Variants in USP12 observed in about 807,000 individuals in gnomAD.
USP12 encodes ubiquitin carboxyl-terminal hydrolase 12.
Under a neutral mutation model 45.5 loss-of-function variants are expected in USP12, and 19 were observed. The observed-to-expected ratio is 0.42, with a 90% CI of 0.29 to 0.61. USP12 has a LOEUF of 0.61. USP12 is among the 20% of genes least tolerant of loss of function. The pLI is 0.22. For missense variants in USP12, 242 were observed against 447.7 expected (o/e 0.54, Z 4.15); for synonymous variants, 149 against 148.8 (o/e 1.00, Z -0.01).
intron 1 of USP12, among the ~76,000 whole-genome samples, chr13:27,161,792 G>A (rs1301717465): frequency 1.3e-5 from 2 of 152,042 alleles, no homozygotes; most frequent in Admixed American, 6.5e-5. Context: ...TCAGGCAGGA[G>A]GATAGCTTGA....
At chr13:27,150,172 G>A (rs908058390) in intron 1 of USP12, among the ~76,000 whole-genome samples, 9 of 152,164 alleles carry the variant, frequency 5.9e-5, no homozygotes, top group South Asian at 2.1e-4. Flanking sequence ...ATTACACATT[G>A]TATACCTGTA....
At chr13:27,074,867 G>A (rs1873404773) in intron 7 of USP12, among the ~76,000 whole-genome samples, 1 of 152,046 alleles carries the variant, frequency 6.6e-6, no homozygotes, top group African/African-American at 2.4e-5. Flanking sequence ...ATTAAACTCA[G>A]AAGTGATTTA....
At chr13:27,140,220 T>C (rs1235542841) in intron 1 of USP12, among the ~76,000 whole-genome samples, 1 of 152,162 alleles carries the variant, frequency 6.6e-6, no homozygotes, top group Non-Finnish European at 1.5e-5. Flanking sequence ...AGCAAAGATG[T>C]TGTGTAGTGA....
At chr13:27,147,475 TA>T (rs749179409) in intron 1 of USP12, among the ~76,000 whole-genome samples, 2 of 152,072 alleles carry the variant, frequency 1.3e-5, no homozygotes, top group African/African-American at 4.8e-5. Flanking sequence ...GTCCAATTTT[TA>T]AAAAAATACT....
chr13:27,157,983 T>C (rs895324562), intron 1 of USP12, among the ~76,000 whole-genome samples: 23 of 152,250 alleles, frequency 1.5e-4, no homozygotes, highest in African/African-American at 5.1e-4. Context: ...TGAATATTCC[T>C]TGACATTAAT....
At chr13:27,128,042 A>T (rs832777) in intron 1 of USP12, among the ~76,000 whole-genome samples, 7,994 of 152,300 alleles carry the variant, frequency 0.052, 717 homozygotes, top group African/African-American at 0.18. Flanking sequence ...TTCAATGAAA[A>T]GTTTCACCAC....
intron 6 of USP12, among the ~76,000 whole-genome samples, chr13:27,084,927 C>T (rs974038809): frequency 5.1e-4 from 77 of 152,142 alleles, no homozygotes; most frequent in African/African-American, 1.6e-3. Flanking sequence ...GCAGAAAATG[C>T]CATAGGAATT....
chr13:27,140,271 G>T (rs552539843), intron 1 of USP12, among the ~76,000 whole-genome samples: 1 of 152,100 alleles, frequency 6.6e-6, no homozygotes, highest in Non-Finnish European at 1.5e-5. Context: ...TACTGATGAC[G>T]TTCTATTTCT....
At chr13:27,110,206 A>G (rs1016706162) in intron 2 of USP12, among the ~76,000 whole-genome samples, 5 of 150,100 alleles carry the variant, frequency 3.3e-5, no homozygotes, top group African/African-American at 1.2e-4. Flanking sequence ...ATGGGTTCAT[A>G]GTGATTCATT....
At chr13:27,141,106 C>T (rs1258640314) in intron 1 of USP12, among the ~76,000 whole-genome samples, 1 of 150,758 alleles carries the variant, frequency 6.6e-6, no homozygotes, top group Non-Finnish European at 1.5e-5. Context: ...ACAACCTCCT[C>T]CCAGGTTCAA....
Position 27,129,126 on chromosome 13 carries a change from A to G in USP12, c.49-12530T>C, listed in dbSNP as rs1468612757. Among the ~76,000 whole-genome samples the G allele has an allele frequency of 1.3e-5, 2 of 149,348 alleles. No homozygotes were observed. The highest frequency in any genetic ancestry group is 2.4e-5 in the African/African-American group (1 of 41,012). ...ATAAAAAAAAGTACTCATATTGTGA[A>G]CTATCTAGAAAGAGTTCTTCATTCT... On this transcript the variant is annotated intron_variant, in intron 1 of 8. Coordinates refer to ENST00000282344, the MANE Select transcript of USP12 (RefSeq NM_182488.4). The surrounding 1 kb of genome is among the most constrained non-coding windows in gnomAD (Gnocchi z 4.0).
intron 1 of USP12, chr13:27,170,013 A>G (rs1367298668): frequency 3.7e-6 from 1 of 268,684 alleles, no homozygotes; most frequent in Non-Finnish European, 6.9e-6. Flanking sequence ...TGTCACTGTA[A>G]AAGACCTAAT....
Position 27,171,673 on chromosome 13 carries a change from G to T in USP12, c.-34C>A. ...CGCCATCTTCCACCCAATCACAGCG[G>T]CGGCGGCGGGCGGGGGAGGAGGGGA... On this transcript the variant is annotated 5_prime_UTR_variant, in exon 1 of 9. Transcript: ENST00000282344. 1 of 1,223,322 alleles carries T rather than the reference G, an allele frequency of 8.2e-7. No homozygotes were observed. The highest frequency in any genetic ancestry group is 1.1e-6 in the Non-Finnish European group (1 of 949,676). The allele number at this position is 1,223,322 out of a possible 1,614,324, so 75.8% of individuals were successfully genotyped here. A position where few individuals can be genotyped will look rare whatever the true frequency, so the allele number is the denominator to read the frequency against.
intron 1 of USP12, among the ~76,000 whole-genome samples, chr13:27,156,145 G>A (rs936668557): frequency 2.0e-5 from 3 of 150,588 alleles, no homozygotes; most frequent in Non-Finnish European, 4.4e-5. Flanking sequence ...AAAGAGACAC[G>A]ACATTCCACT....
Position 27,095,790 on chromosome 13 carries a change from G to A in USP12, c.384C>T (p.Phe128=). 3 of 1,609,608 alleles carry A rather than the reference G, an allele frequency of 1.9e-6. No homozygotes were observed. In the African/African-American group the frequency reaches 4.0e-5, roughly 21 times the overall value. ...CAATTGTATTTAGTAGGTAATTTAA[G>A]AATTCATGGGCATCTTGTTGCATGT... ...DNYMQQDAHE[F]LNYLLNTIAD... The change falls in exon 4 of 9, where the codon TTC becomes TTT. Residue 128 remains phenylalanine, a synonymous_variant. Transcript: ENST00000282344.
At chr13:27,084,169 T>TACATACACACACACACACAC (rs1295472031) in intron 6 of USP12, among the ~76,000 whole-genome samples, 13 of 142,412 alleles carry the variant, frequency 9.1e-5, no homozygotes, top group African/African-American at 3.5e-4. Flanking sequence ...CATGTTTGCA[T>TACATACACACACACACACAC]ACACACACAC....
At chr13:27,119,503 A>G (rs369958571) in intron 1 of USP12, among the ~76,000 whole-genome samples, 13 of 152,342 alleles carry the variant, frequency 8.5e-5, no homozygotes, top group African/African-American at 2.9e-4. Flanking sequence ...GTGATTTTCA[A>G]AACTCCCAGT....
intron 6 of USP12, among the ~76,000 whole-genome samples, chr13:27,087,878 C>A (rs1198567323): frequency 2.0e-5 from 3 of 152,230 alleles, no homozygotes; most frequent in African/African-American, 7.2e-5. Flanking sequence ...CTGAATAAAA[C>A]AGGAACCTTT....
chr13:27,091,104 T>G (rs1874291233), intron 4 of USP12, among the ~76,000 whole-genome samples: 1 of 152,006 alleles, frequency 6.6e-6, no homozygotes, highest in African/African-American at 2.4e-5. Context: ...ACAAGATAAC[T>G]GACCTGAGTC....
Sources: gnomAD v4.1 joint callset for allele counts (sites outside exome capture counted in the v4.1 genomes callset) on GRCh38, gnomAD v4.1.1 for gene constraint, Gnocchi (gnomAD v3.1) non-coding constraint, MANE v1.5 for transcripts, NCBI Gene and HGNC (gene_info 2026-07-23, HGNC 2026-07-21) for gene names.